THAP4: variants seen among roughly 807,000 people sequenced by gnomAD.
THAP4 encodes THAP domain containing 4.
Under a neutral mutation model 48.1 loss-of-function variants are expected in THAP4, and 18 were observed. The observed-to-expected ratio is 0.37, with a 90% CI of 0.26 to 0.56. THAP4 has a LOEUF of 0.56. Among genes scored for constraint, THAP4 ranks in the 20% least tolerant of loss-of-function variants. The pLI is 0.78. For missense variants in THAP4, 656 were observed against 774.9 expected (o/e 0.85, Z 1.82); for synonymous variants, 345 against 324.9 (o/e 1.06, Z -0.66).
At chr2:241,599,009 T>C (rs1362794200) in intron 5 of THAP4, among the ~76,000 whole-genome samples, 1 of 151,972 alleles carries the variant, frequency 6.6e-6, no homozygotes, top group Non-Finnish European at 1.5e-5. Context: ...CCCAACACTT[T>C]AGGAAGCTGA....
chr2:241,625,658 C>T (rs2067486983), intron 2 of THAP4, among the ~76,000 whole-genome samples: 4 of 150,728 alleles, frequency 2.7e-5, no homozygotes, highest in Admixed American at 2.6e-4. Context: ...ATTAGCCGGG[C>T]GTCATGGCGG....
At position 241,633,932 on chromosome 2, in the gene THAP4, C is replaced by T. The variant is rs758660486; in HGVS notation, c.225G>A (p.Leu75=). Residue 75 remains leucine, a synonymous_variant, in exon 2 of 6, where the codon CTG becomes CTA. Coordinates refer to ENST00000407315, the MANE Select transcript of THAP4 (RefSeq NM_015963.6). This position sits in a 1 kb window ranked among gnomAD's most constrained non-coding sequence, Gnocchi z 7.5. The part of the protein sequence containing the change: ...FSKRLEDQHR[L]LKPTAVPSIF... ...TGGATGGCACGGCCGTGGGCTTCAGCAGGCGATGCTGGTCCTCCAGCCTCT... is the reference window on the plus strand; with the variant it reads ...TGGATGGCACGGCCGTGGGCTTCAGTAGGCGATGCTGGTCCTCCAGCCTCT... The T allele has an allele frequency of 6.2e-7, 1 of 1,614,172 alleles. No homozygotes were observed. Among genetic ancestry groups the T allele is most frequent in the Non-Finnish European group, 8.5e-7 (1 of 1,180,022 alleles).
At chr2:241,594,714 T>G (rs1444038091) in intron 5 of THAP4, 1 of 179,976 alleles carries the variant, frequency 5.6e-6, no homozygotes, top group African/African-American at 2.4e-5. Context: ...GCCAAGATCT[T>G]GCTACTGTAT....
intron 5 of THAP4, among the ~76,000 whole-genome samples, chr2:241,591,615 G>A (rs928820681): frequency 2.6e-5 from 4 of 152,166 alleles, no homozygotes; most frequent in African/African-American, 9.7e-5. Flanking sequence ...GCAGTTGCAT[G>A]GGTGAACAGG....
upstream of THAP4, chr2:241,637,544 C>G: frequency 6.8e-7 from 1 of 1,464,866 alleles, no homozygotes. Context: ...CTCGCGTCGG[C>G]CCGGCCGTAC....
chr2:241,617,119 T>C (rs537748884), intron 2 of THAP4, among the ~76,000 whole-genome samples: 17 of 152,328 alleles, frequency 1.1e-4, no homozygotes, highest in Non-Finnish European at 2.1e-4. Context: ...TAGATATATG[T>C]TAAGATCCAT....
rs149628062 is a variant in THAP4 at position 241,584,492 on chromosome 2, A to G, written c.*114T>C. 3 of 1,144,902 alleles carry G rather than the reference A, an allele frequency of 2.6e-6. No individual in the cohort carries two copies. The highest frequency in any genetic ancestry group is 3.8e-6 in the Non-Finnish European group (3 of 781,050). The allele number at this position is 1,144,902 out of a possible 1,614,324, so 70.9% of individuals were successfully genotyped here. A position where few individuals can be genotyped will look rare whatever the true frequency, so the allele number is the denominator to read the frequency against. Reference sequence around the variant, plus strand: ...CAGAAACATCTGGACAACACTCTTGAGCCTGCAGAGGCTCACGGCCACACC... The same window carrying G: ...CAGAAACATCTGGACAACACTCTTGGGCCTGCAGAGGCTCACGGCCACACC... On this transcript the variant is annotated 3_prime_UTR_variant, in exon 6 of 6. Coordinates refer to ENST00000407315, the MANE Select transcript of THAP4 (RefSeq NM_015963.6).
intron 2 of THAP4, among the ~76,000 whole-genome samples, chr2:241,617,801 T>A (rs1295740207): frequency 1.3e-5 from 2 of 151,970 alleles, no homozygotes; most frequent in African/African-American, 4.8e-5. Flanking sequence ...TCCAGAGCAG[T>A]CCCTCTGGCC....
At chr2:241,593,958 T>G (rs2067018383) in intron 5 of THAP4, among the ~76,000 whole-genome samples, 1 of 152,186 alleles carries the variant, frequency 6.6e-6, no homozygotes, top group Non-Finnish European at 1.5e-5. Context: ...GTGTTGGGAT[T>G]ACACGTGTGA....
At chr2:241,632,744 C>T (rs1422092977) in intron 2 of THAP4, among the ~76,000 whole-genome samples, 173 bp downstream of exon 2, 1 of 152,234 alleles carries the variant, frequency 6.6e-6, no homozygotes, top group African/African-American at 2.4e-5. Context: ...GTGAGGCCTG[C>T]TTTCTAACCT....
upstream of THAP4, chr2:241,637,444 G>A: frequency 6.8e-7 from 1 of 1,469,424 alleles, no homozygotes. Flanking sequence ...AGGAGGAAGC[G>A]CCACCCATGG....
chr2:241,596,763 A>G (rs765187201), intron 5 of THAP4, among the ~76,000 whole-genome samples: 5 of 150,894 alleles, frequency 3.3e-5, no homozygotes, highest in African/African-American at 4.9e-5. Flanking sequence ...CCGAGACTGC[A>G]CCACTGCACT....
rs751800435 is a variant in THAP4 at position 241,606,395 on chromosome 2, C to G, written c.1319G>C (p.Gly440Ala). 44 of 1,600,984 alleles carry G rather than the reference C, an allele frequency of 2.7e-5. No individual in the cohort carries two copies. Among genetic ancestry groups the G allele is most frequent in the Middle Eastern group, 1.6e-4 (1 of 6,072 alleles). The change falls in exon 3 of 6, where the codon GGG (glycine) becomes GCG (alanine). Residue 440 changes from glycine to alanine, a missense_variant. Gly to Ala is a moderately conservative substitution (Grantham distance 60). This residue lies in a region of THAP4 where 176 missense variants were observed against 256.7 expected (regional missense o/e 0.69). Coordinates refer to ENST00000407315, the MANE Select transcript of THAP4 (RefSeq NM_015963.6). ...GTWLSDPPGA[G>A]TYPTLQPFQY... is the part of the protein sequence containing the mutation. ...GAAGGGCTGCAGTGTGGGGTAGGTCCCGGCTCCAGGTGGGTCCGACAGCCA... is the reference window on the plus strand; with the variant it reads ...GAAGGGCTGCAGTGTGGGGTAGGTCGCGGCTCCAGGTGGGTCCGACAGCCA...
chr2:241,608,017 C>T (rs1050859469), intron 2 of THAP4, among the ~76,000 whole-genome samples: 38 of 151,608 alleles, frequency 2.5e-4, no homozygotes, highest in Admixed American at 2.2e-3. Context: ...TCCAGGCCCG[C>T]GCAAGCAGAA....
At position 241,627,731 on chromosome 2, in the gene THAP4, G is replaced by C. The variant is rs143195165; in HGVS notation, c.1240+5186C>G. On this transcript the variant is annotated intron_variant, in intron 2 of 5. Transcript: ENST00000407315. ...CCACAGAGTGCAGACCCCAGGGCCT[G>C]CGACGCCGGCGTGACAGACTGCAAC... Among the ~76,000 whole-genome samples, 173 of 152,328 alleles carry C rather than the reference G, an allele frequency of 1.1e-3. 1 individual carries two copies. Among genetic ancestry groups the C allele is most frequent in the African/African-American group, 3.8e-3 (156 of 41,576 alleles).
intron 2 of THAP4, among the ~76,000 whole-genome samples, chr2:241,609,755 C>A (rs180882421): frequency 2.0e-4 from 31 of 151,996 alleles, no homozygotes; most frequent in African/African-American, 6.8e-4. Context: ...TCACTGCTCT[C>A]CAGCCTGGGC....
At position 241,619,938 on chromosome 2, in the gene THAP4, G is replaced by C. The variant is rs150836949; in HGVS notation, c.1240+12979C>G. Among the ~76,000 whole-genome samples, 545 of 111,474 alleles carry C rather than the reference G, an allele frequency of 4.9e-3. 48 individuals carry two copies. In the East Asian group the frequency reaches 0.069, roughly 14 times the overall value. The allele number at this position is 111,474 out of a possible 152,430, so 73.1% of individuals were successfully genotyped here. A position where few individuals can be genotyped will look rare whatever the true frequency, so the allele number is the denominator to read the frequency against. On this transcript the variant is annotated intron_variant, in intron 2 of 5. Coordinates refer to ENST00000407315, the MANE Select transcript of THAP4 (RefSeq NM_015963.6). The stretch of plus-strand genomic sequence containing the variant: ...ATGAGGGGTGAGTGAGGGGTGAGGG[G>C]TGAGTGAGTCATTGAGTGAGGGGTG...
rs1406744358 is a variant in THAP4 at position 241,610,636 on chromosome 2, T to C, written c.1241-4163A>G. On this transcript the variant is annotated intron_variant, in intron 2 of 5. Transcript: ENST00000407315. The surrounding 1 kb of genome is among the most constrained non-coding windows in gnomAD (Gnocchi z 4.2). ...GGTCTTCTCCCGGCCCCTCATCTACTTGGCAGACGCCTCTCACCGGCAGCC... is the reference window on the plus strand; with the variant it reads ...GGTCTTCTCCCGGCCCCTCATCTACCTGGCAGACGCCTCTCACCGGCAGCC... Among the ~76,000 whole-genome samples, 1 of 151,260 alleles carries C rather than the reference T, an allele frequency of 6.6e-6. No individual in the cohort carries two copies. The highest frequency in any genetic ancestry group is 1.5e-5 in the Non-Finnish European group (1 of 67,798).
chr2:241,590,951 G>T (rs2066966885), intron 5 of THAP4, among the ~76,000 whole-genome samples: 3 of 146,472 alleles, frequency 2.0e-5, no homozygotes, highest in Non-Finnish European at 1.5e-5. Flanking sequence ...ACACAGAGCT[G>T]CTCGGCTGAC....
Sources: gnomAD v4.1 joint callset for allele counts (sites outside exome capture counted in the v4.1 genomes callset) on GRCh38, gnomAD v4.1.1 for gene constraint, gnomAD v4.1.1 regional missense constraint, Gnocchi (gnomAD v3.1) non-coding constraint, MANE v1.5 for transcripts, NCBI Gene and HGNC (gene_info 2026-07-23, HGNC 2026-07-21) for gene names.